LPCAT1: variants seen among roughly 807,000 people sequenced by gnomAD.
LPCAT1 encodes 1-acylglycerol-3-phosphate O-acyltransferase.
Under a neutral mutation model 60.9 loss-of-function variants are expected in LPCAT1, and 23 were observed. The ratio of observed to expected loss-of-function variants is 0.38; its 90% CI spans 0.27 to 0.53. The LOEUF (loss-of-function observed/expected upper bound fraction) is 0.53, where lower values mean the gene tolerates loss of function less well. LPCAT1 is among the 20% of genes least tolerant of loss of function. The probability of loss-of-function intolerance (pLI) is 0.82; values close to 1 mark genes in which losing one functional copy is unlikely to be tolerated. For synonymous variants in LPCAT1, 340 were observed against 301.1 expected (o/e 1.13, Z -1.34); for missense variants, 622 against 723.6 (o/e 0.86, Z 1.61).
chr5:1,484,284 C>T (rs1466393332), intron 5 of LPCAT1, among the ~76,000 whole-genome samples: 3 of 152,394 alleles, frequency 2.0e-5, no homozygotes, highest in East Asian at 1.9e-4. Flanking sequence ...GCAGCCGCTC[C>T]GCCTTCTCAC....
chr5:1,517,572 G>C (rs1220247235), intron 1 of LPCAT1, among the ~76,000 whole-genome samples: 4 of 152,206 alleles, frequency 2.6e-5, no homozygotes, highest in Admixed American at 2.6e-4. Context: ...AGCAAGTGTG[G>C]TAGTCGAGTC....
intron 13 of LPCAT1, among the ~76,000 whole-genome samples, chr5:1,464,398 G>T (rs374406647): frequency 6.6e-6 from 1 of 152,180 alleles, no homozygotes; most frequent in African/African-American, 2.4e-5. Context: ...ATGCTAGGCC[G>T]CTCCAGAAAC....
chr5:1,512,123 A>T (rs1736373317), intron 1 of LPCAT1, among the ~76,000 whole-genome samples: 1 of 152,210 alleles, frequency 6.6e-6, no homozygotes, highest in Non-Finnish European at 1.5e-5. Context: ...CTCATTCGCC[A>T]GTAAAGTGAG....
Position 1,480,436 on chromosome 5 carries a change from A to G in LPCAT1, c.761+506T>C. 1.1e-6 allele frequency: 1 copy of G among 926,090 alleles called. No individual in the cohort carries two copies. Among genetic ancestry groups the G allele is most frequent in the African/African-American group, 1.8e-5 (1 of 56,152 alleles). The allele number at this position is 926,090 out of a possible 1,614,324, so 57.4% of individuals were successfully genotyped here. A position where few individuals can be genotyped will look rare whatever the true frequency, so the allele number is the denominator to read the frequency against. ...CGTCAGCACCCAGGAGGCCCTGACC[A>G]GCCTGTGGCCCCGGGCTTCTCCTCT... On this transcript the variant is annotated intron_variant, in intron 7 of 13. Coordinates refer to ENST00000283415, the MANE Select transcript of LPCAT1 (RefSeq NM_024830.5). This position sits in a 1 kb window ranked among gnomAD's most constrained non-coding sequence, Gnocchi z 6.4.
In LPCAT1 at chr5:1,473,944, C is replaced by T. The variant is rs748821130; in HGVS notation, c.1179+13G>A. The T allele has an allele frequency of 3.3e-5, 53 of 1,612,062 alleles. No homozygotes were observed. Among genetic ancestry groups the T allele is most frequent in the African/African-American group, 5.3e-5 (4 of 74,892 alleles). ...TTTTGCCGACACCCCGCTCCGCAGG[C>T]GACAGGCCCTACCTCGTCGAACAGT... On this transcript the variant is annotated intron_variant, in intron 11 of 13. Transcript: ENST00000283415.
At chr5:1,489,902 C>T in intron 3 of LPCAT1, 44 bp from the exon 4 acceptor site, 1 of 1,420,926 alleles carries the variant, frequency 7.0e-7, no homozygotes, top group Non-Finnish European at 1.0e-6. Context: ...ATGCACGGCT[C>T]CCGCCAGGCA....
intron 1 of LPCAT1, among the ~76,000 whole-genome samples, chr5:1,513,953 G>A (rs1736429746): frequency 6.6e-6 from 1 of 151,438 alleles, no homozygotes; most frequent in African/African-American, 2.4e-5. Flanking sequence ...ATTTCCACAG[G>A]CTCTCACCCG....
chr5:1,476,863 G>A lies in LPCAT1; in HGVS notation c.899+541C>T, dbSNP rs1265976634. Among the ~76,000 whole-genome samples the A allele has an allele frequency of 6.6e-6, 1 of 152,016 alleles. No individual in the cohort carries two copies. Among genetic ancestry groups the A allele is most frequent in the African/African-American group, 2.4e-5 (1 of 41,328 alleles). ...GGGAGAGGGGGAGGGCGTGTGAGCC[G>A]ACAGCACTGCCGGCCATGCAAGCAG... On this transcript the variant is annotated intron_variant, in intron 9 of 13. Coordinates refer to ENST00000283415, the MANE Select transcript of LPCAT1 (RefSeq NM_024830.5). The surrounding 1 kb of genome is among the most constrained non-coding windows in gnomAD (Gnocchi z 8.6).
rs145021566 is a variant in LPCAT1, at chr5:1,515,367, G to C, written c.135+8343C>G. On this transcript the variant is annotated intron_variant, in intron 1 of 13. Transcript: ENST00000283415. ...TACAGGGAGCCCCCCAGCACATCCT[G>C]GCCCAAACCCTCAAAAGCTGCAGGA... Among the ~76,000 whole-genome samples, 510 of 152,046 alleles carry C rather than the reference G, an allele frequency of 3.4e-3. 1 individual carries two copies. Among genetic ancestry groups the C allele is most frequent in the South Asian group, 3.9e-3 (19 of 4,820 alleles).
intron 4 of LPCAT1, among the ~76,000 whole-genome samples, chr5:1,489,050 C>T (rs1206967606): frequency 6.6e-6 from 1 of 152,216 alleles, no homozygotes; most frequent in Non-Finnish European, 1.5e-5. Flanking sequence ...TTCTGGGCCC[C>T]GTGAGGAAGA....
At chr5:1,465,308 G>A (rs376883712) in intron 13 of LPCAT1, among the ~76,000 whole-genome samples, 1,421 of 73,746 alleles carry the variant, frequency 0.019, 28 homozygotes, top group African/African-American at 0.073. Context: ...ACATGTGCGC[G>A]CACACACAAA....
chr5:1,497,003 C>G (rs1315326906), intron 2 of LPCAT1, among the ~76,000 whole-genome samples: 2 of 152,212 alleles, frequency 1.3e-5, no homozygotes, highest in African/African-American at 4.8e-5. Flanking sequence ...ACCGCCCTCA[C>G]ACGGACGACA....
intron 3 of LPCAT1, among the ~76,000 whole-genome samples, chr5:1,491,531 T>TC (rs1735582258): frequency 6.6e-6 from 1 of 152,180 alleles, no homozygotes; most frequent in Non-Finnish European, 1.5e-5. Flanking sequence ...GAGTGAAGTC[T>TC]TGGGCCGTGC....
chr5:1,522,932 C>T lies in LPCAT1; in HGVS notation c.135+778G>A, dbSNP rs1441012371. Among the ~76,000 whole-genome samples the T allele has an allele frequency of 6.6e-6, 1 of 152,204 alleles. No homozygotes were observed. Among genetic ancestry groups the T allele is most frequent in the Non-Finnish European group, 1.5e-5 (1 of 68,034 alleles). On this transcript the variant is annotated intron_variant, in intron 1 of 13. Coordinates refer to ENST00000283415, the MANE Select transcript of LPCAT1 (RefSeq NM_024830.5). This position sits in a 1 kb window ranked among gnomAD's most constrained non-coding sequence, Gnocchi z 6.8. ...GCAGCGAGCGGCCCCCTCCCCACGA[C>T]GCCCCCGGGTCTCCCCTCACCACTG...
chr5:1,474,507 C>T, intron 10 of LPCAT1, 53 bp downstream of exon 10: 1 of 1,598,248 alleles, frequency 6.3e-7, no homozygotes, highest in Non-Finnish European at 8.6e-7. Context: ...CCCGCCAGAC[C>T]TCGGCATCAC....
chr5:1,488,180 G>A (rs1056360368), intron 5 of LPCAT1, among the ~76,000 whole-genome samples: 5 of 152,180 alleles, frequency 3.3e-5, no homozygotes, highest in Non-Finnish European at 4.4e-5. Context: ...CCCTGAAACC[G>A]TAACTTCTCC....
rs2126575259 is a variant in LPCAT1, at chr5:1,496,936, C to T, written c.279-2022G>A. On this transcript the variant is annotated intron_variant, in intron 2 of 13. Transcript: ENST00000283415. This position sits in a 1 kb window ranked among gnomAD's most constrained non-coding sequence, Gnocchi z 4.7. ...AATGTGAATCAGGAGACAGATCTAT[C>T]TGCATACACAGGAGCGGGGATCTCC... Among the ~76,000 whole-genome samples the T allele has an allele frequency of 6.6e-6, 1 of 152,304 alleles. No individual in the cohort carries two copies. The highest frequency in any genetic ancestry group is 3.4e-3 in the Middle Eastern group (1 of 294).
At chr5:1,498,651 C>A (rs1735888439) in intron 2 of LPCAT1, among the ~76,000 whole-genome samples, 1 of 152,020 alleles carries the variant, frequency 6.6e-6, no homozygotes, top group Non-Finnish European at 1.5e-5. Flanking sequence ...TACATGTACA[C>A]AGAGACACAA....
chr5:1,518,353 T>C lies in LPCAT1; in HGVS notation c.135+5357A>G, dbSNP rs565450495. 2.0e-5 allele frequency among the ~76,000 whole-genome samples: 3 copies of C among 152,366 alleles called. No individual in the cohort carries two copies. In the East Asian group the frequency reaches 5.8e-4, roughly 29 times the overall value. On this transcript the variant is annotated intron_variant, in intron 1 of 13. Coordinates refer to ENST00000283415, the MANE Select transcript of LPCAT1 (RefSeq NM_024830.5). ...TAAAAACTTTTTCTTTATCTTTTTCTTTTTGGAGACGGAGTCCGGCTCTGT... is the reference window on the plus strand; with the variant it reads ...TAAAAACTTTTTCTTTATCTTTTTCCTTTTGGAGACGGAGTCCGGCTCTGT...
Sources: gnomAD v4.1 joint callset for allele counts (sites outside exome capture counted in the v4.1 genomes callset) on GRCh38, gnomAD v4.1.1 for gene constraint, Gnocchi (gnomAD v3.1) non-coding constraint, MANE v1.5 for transcripts, NCBI Gene and HGNC (gene_info 2026-07-23, HGNC 2026-07-21) for gene names.